CLNK: variants seen among roughly 807,000 people sequenced by gnomAD.
CLNK encodes the protein cytokine-dependent hematopoietic cell linker.
In CLNK, 74 loss-of-function variants were observed where a neutral mutation model predicts 68.6. The observed-to-expected ratio is 1.08, with a 90% CI of 0.89 to 1.31. The LOEUF (loss-of-function observed/expected upper bound fraction) is 1.31. Ranked by LOEUF, CLNK falls within the 50% of genes most tolerant of loss-of-function variation. The pLI is 0.00. For missense variants in CLNK, 553 were observed against 515.3 expected (o/e 1.07, Z -0.71); for synonymous variants, 198 against 172.2 (o/e 1.15, Z -1.17).
At chr4:10,587,543 C>T (rs1560229805) in intron 3 of CLNK, among the ~76,000 whole-genome samples, 2 of 152,174 alleles carry the variant, frequency 1.3e-5, no homozygotes, top group Non-Finnish European at 2.9e-5. Flanking sequence ...GAGGTCTCTT[C>T]GGTGTCTGGG....
In CLNK at chr4:10,568,831, C is replaced by T. The variant is rs566073521; in HGVS notation, c.151-2681G>A. Reference sequence around the variant, plus strand: ...GGGGAACTAGTTGAGCCATGCTGTGCCCAGACTTCTGATTGCATCCACTGT... The same window carrying T: ...GGGGAACTAGTTGAGCCATGCTGTGTCCAGACTTCTGATTGCATCCACTGT... On this transcript the variant is annotated intron_variant, in intron 5 of 18. Transcript: ENST00000226951. Among the ~76,000 whole-genome samples, 228 of 152,306 alleles carry T rather than the reference C, an allele frequency of 1.5e-3. 1 individual carries two copies. Among genetic ancestry groups the T allele is most frequent in the African/African-American group, 5.3e-3 (220 of 41,552 alleles).
chr4:10,494,689 C>T (rs184937837), intron 18 of CLNK, among the ~76,000 whole-genome samples: 2 of 152,308 alleles, frequency 1.3e-5, no homozygotes, highest in East Asian at 3.9e-4. Context: ...GAACTCTTGA[C>T]CTCAAGTGAT....
chr4:10,658,098 T>C (rs1485381985), intron 2 of CLNK, among the ~76,000 whole-genome samples: 1 of 152,208 alleles, frequency 6.6e-6, no homozygotes, highest in Non-Finnish European at 1.5e-5. Flanking sequence ...TCTCCTCTAA[T>C]GCCACCACAC....
At chr4:10,710,051 A>G in the CLNK span, among the ~76,000 whole-genome samples, 8 of 152,356 alleles carry the variant, frequency 5.3e-5, no homozygotes, top group Admixed American at 6.5e-5. Context: ...AGCATTATTG[A>G]TAACTGATAT....
intron 17 of CLNK, 96 bp downstream of exon 17, chr4:10,507,863 T>C: frequency 1.1e-6 from 1 of 901,050 alleles, no homozygotes; most frequent in East Asian, 2.7e-5. Flanking sequence ...AAATAATACA[T>C]GAAAGCAAGC....
In CLNK at chr4:10,490,339, T is replaced by C. The variant is rs1013037182; in HGVS notation, c.*128A>G. The C allele has an allele frequency of 3.0e-5, 27 of 908,970 alleles. No homozygotes were observed. Among genetic ancestry groups the C allele is most frequent in the South Asian group, 3.9e-5 (2 of 50,678 alleles). 56.3% of individuals were successfully genotyped at this position (908,970 alleles called of 1,614,324 possible). A position where few individuals can be genotyped will look rare whatever the true frequency, so the allele number is the denominator to read the frequency against. On this transcript the variant is annotated 3_prime_UTR_variant, in exon 19 of 19. Coordinates refer to ENST00000226951, the MANE Select transcript of CLNK (RefSeq NM_052964.4). ...GTGAGTGATTTTCCACTCTCTGTTA[T>C]AGAGTGTTTTTCTTTTCTCCAAAGT...
intron 2 of CLNK, among the ~76,000 whole-genome samples, chr4:10,661,204 T>C (rs1183185649): frequency 6.6e-6 from 1 of 152,184 alleles, no homozygotes; most frequent in Non-Finnish European, 1.5e-5. Context: ...GGAGTTTACA[T>C]GGAGTTTTAT....
At chr4:10,555,337 C>A (rs1276438180) in intron 8 of CLNK, among the ~76,000 whole-genome samples, 1 of 152,116 alleles carries the variant, frequency 6.6e-6, no homozygotes, top group Non-Finnish European at 1.5e-5. Context: ...AGAGAAAATG[C>A]AATTTAGCTT....
intron 15 of CLNK, among the ~76,000 whole-genome samples, chr4:10,518,110 C>T (rs1454441883): frequency 6.6e-6 from 1 of 151,654 alleles, no homozygotes; most frequent in East Asian, 1.9e-4. Flanking sequence ...AATGAAGCCA[C>T]AAGACAAGGA....
intron 2 of CLNK, among the ~76,000 whole-genome samples, chr4:10,667,097 G>A (rs1724429330): frequency 6.6e-6 from 1 of 152,148 alleles, no homozygotes; most frequent in East Asian, 1.9e-4. Context: ...AGAGGGTAAG[G>A]ATATCATCAT....
the CLNK span, among the ~76,000 whole-genome samples, chr4:10,710,350 C>T: frequency 1.3e-5 from 2 of 152,162 alleles, no homozygotes; most frequent in East Asian, 3.9e-4. Context: ...CGCTGGGGTC[C>T]TTCAATCACA....
chr4:10,669,904 G>A (rs1724561556), intron 1 of CLNK, among the ~76,000 whole-genome samples: 1 of 152,284 alleles, frequency 6.6e-6, no homozygotes, highest in African/African-American at 2.4e-5. Context: ...TTCCATCATG[G>A]CAGTGGGGAA....
At chr4:10,514,452 C>T (rs1717742656) in intron 15 of CLNK, among the ~76,000 whole-genome samples, 1 of 149,050 alleles carries the variant, frequency 6.7e-6, no homozygotes, top group Admixed American at 6.7e-5. Flanking sequence ...CGCTGCATAC[C>T]TACAACTATC....
chr4:10,577,129 C>T (rs17467602), intron 4 of CLNK, among the ~76,000 whole-genome samples: 33,718 of 152,082 alleles, frequency 0.22, 3,980 homozygotes, highest in African/African-American at 0.29. Flanking sequence ...GTTTAGCACT[C>T]TCTATTTCCC....
chr4:10,658,559 G>T (rs1724069333), intron 2 of CLNK, among the ~76,000 whole-genome samples: 1 of 152,166 alleles, frequency 6.6e-6, no homozygotes, highest in Non-Finnish European at 1.5e-5. Context: ...TGGATCCCTG[G>T]TTCTCAAGGC....
At chr4:10,542,497 T>C (rs1560209063) in intron 8 of CLNK, among the ~76,000 whole-genome samples, 1 of 152,134 alleles carries the variant, frequency 6.6e-6, no homozygotes, top group Non-Finnish European at 1.5e-5. Context: ...ATGAAGAAAC[T>C]GACACACGGG....
intron 12 of CLNK, among the ~76,000 whole-genome samples, chr4:10,529,924 A>G (rs1718469547): frequency 6.6e-6 from 1 of 152,186 alleles, no homozygotes; most frequent in Non-Finnish European, 1.5e-5. Context: ...TTATTGTTAG[A>G]AAATAAACAT....
intron 2 of CLNK, among the ~76,000 whole-genome samples, chr4:10,643,308 C>A (rs1186091261): frequency 6.6e-6 from 1 of 152,210 alleles, no homozygotes; most frequent in African/African-American, 2.4e-5. Context: ...TAGCAATAAT[C>A]AATTAACAGA....
At position 10,525,947 on chromosome 4, in the gene CLNK, G is replaced by C. The variant is rs374319559; in HGVS notation, c.650-25C>G. ...ACTATATAAAACAGTGACATAATTTGGTCAGGTTGCAAAAGAAAAATAATT... is the reference window on the plus strand; with the variant it reads ...ACTATATAAAACAGTGACATAATTTCGTCAGGTTGCAAAAGAAAAATAATT... On this transcript the variant is annotated intron_variant, in intron 13 of 18. Transcript: ENST00000226951. The C allele has an allele frequency of 3.5e-6, 5 of 1,443,098 alleles. No individual in the cohort carries two copies. In the African/African-American group the frequency reaches 7.1e-5, roughly 20 times the overall value. 89.4% of individuals were successfully genotyped at this position (1,443,098 alleles called of 1,614,324 possible).
Sources: gnomAD v4.1 joint callset for allele counts (sites outside exome capture counted in the v4.1 genomes callset) on GRCh38, gnomAD v4.1.1 for gene constraint, MANE v1.5 for transcripts, NCBI Gene and HGNC (gene_info 2026-07-23, HGNC 2026-07-21) for gene names.